PRDM2: variants seen among roughly 807,000 people sequenced by gnomAD.
PRDM2 encodes PR domain zinc finger protein 2.
A neutral mutation model predicts 130.0 loss-of-function variants in PRDM2; 30 were observed. The ratio of observed to expected loss-of-function variants is 0.23; its 90% CI spans 0.17 to 0.31. The LOEUF is 0.31. Among genes scored for constraint, PRDM2 ranks in the 10% least tolerant of loss-of-function variants. The pLI, the probability that PRDM2 is intolerant of heterozygous loss-of-function variation, is 1.00. For missense variants in PRDM2, 2,011 were observed against 2,108.4 expected (o/e 0.95, Z 0.90); for synonymous variants, 871 against 782.4 (o/e 1.11, Z -1.89).
intron 8 of PRDM2, among the ~76,000 whole-genome samples, chr1:13,784,176 A>G (rs999084112): frequency 6.6e-6 from 1 of 152,252 alleles, no homozygotes; most frequent in Non-Finnish European, 1.5e-5. Context: ...GCACATACAT[A>G]GGTAGCATCT....
chr1:13,749,455 G>T lies in PRDM2; in HGVS notation c.479G>T (p.Arg160Leu). 1 of 1,500,950 alleles carries T rather than the reference G, an allele frequency of 6.7e-7. No homozygotes were observed. The highest frequency in any genetic ancestry group is 9.0e-7 in the Non-Finnish European group (1 of 1,112,502). 93.0% of individuals were successfully genotyped at this position (1,500,950 alleles called of 1,614,324 possible). ...ATTGAGGAAGAGCGAGCCAGCGCCC[G>T]GAGCAAGCGGAGCTCCCCCAAGAGC... Reference protein sequence around the residue: ...AAIEEERASARSKRSSPKSRK... With the variant: ...AAIEEERASALSKRSSPKSRK... Residue 160 changes from arginine to leucine, a missense_variant, in exon 6 of 10, where the codon CGG becomes CTG. Arg to Leu is a moderately radical substitution (Grantham distance 102). Transcript: ENST00000311066.
chr1:13,779,460 C>G lies in PRDM2; in HGVS notation c.1665C>G (p.Ile555Met). 2.5e-6 allele frequency: 4 copies of G among 1,614,158 alleles called. No individual in the cohort carries two copies. The highest frequency in any genetic ancestry group is 3.4e-6 in the Non-Finnish European group (4 of 1,180,010). Residue 555 changes from isoleucine to methionine, a missense_variant, in exon 8 of 10, where the codon ATC becomes ATG. Ile to Met is a conservative substitution (Grantham distance 10). Transcript: ENST00000311066. The surrounding 1 kb of genome is among the most constrained non-coding windows in gnomAD (Gnocchi z 4.9). The part of the protein sequence containing the change: ...EEEGEADDVY[I>M]MDISSNISEN... Reference sequence around the variant, plus strand: ...AAGGGGAAGCAGATGATGTGTACATCATGGACATTTCTAGCAATATCTCTG... The same window carrying G: ...AAGGGGAAGCAGATGATGTGTACATGATGGACATTTCTAGCAATATCTCTG...
At chr1:13,715,192 C>T (rs765840238) in intron 1 of PRDM2, among the ~76,000 whole-genome samples, 1 of 152,142 alleles carries the variant, frequency 6.6e-6, no homozygotes, top group Admixed American at 6.5e-5. Flanking sequence ...GAAAAAGACA[C>T]TTATATTGCA....
At chr1:13,820,873 A>G (rs1451151440) in intron 9 of PRDM2, among the ~76,000 whole-genome samples, 1 of 151,762 alleles carries the variant, frequency 6.6e-6, no homozygotes, top group Non-Finnish European at 1.5e-5. Flanking sequence ...CCAAGGGAAT[A>G]CAGCCACTCC....
chr1:13,749,325 T>C, intron 5 of PRDM2, 36 bp from the exon 6 acceptor site: 2 of 1,390,590 alleles, frequency 1.4e-6, no homozygotes, highest in Non-Finnish European at 1.9e-6. Flanking sequence ...ACCGCCGCTC[T>C]GATTGGCCCG....
At chr1:13,765,060 T>A (rs1644191414) in intron 6 of PRDM2, among the ~76,000 whole-genome samples, 1 of 152,256 alleles carries the variant, frequency 6.6e-6, no homozygotes, top group South Asian at 2.1e-4. Flanking sequence ...TCTATGGGGC[T>A]TGCTTTGCCA....
intron 8 of PRDM2, chr1:13,787,185 T>C (rs1644759304): frequency 2.0e-6 from 2 of 983,542 alleles, no homozygotes; most frequent in African/African-American, 1.7e-5. Flanking sequence ...GACGTTATCC[T>C]CTCAGATTCT....
chr1:13,786,333 G>T (rs901274475), intron 8 of PRDM2, among the ~76,000 whole-genome samples: 1 of 152,106 alleles, frequency 6.6e-6, no homozygotes, highest in African/African-American at 2.4e-5. Flanking sequence ...AAATAAATGC[G>T]TGTAGTTCCT....
At chr1:13,758,842 T>C (rs1356938532) in intron 6 of PRDM2, among the ~76,000 whole-genome samples, 2 of 152,170 alleles carry the variant, frequency 1.3e-5, no homozygotes, top group Non-Finnish European at 2.9e-5. Flanking sequence ...CATACCATTT[T>C]TTATTTTTAA....
chr1:13,762,230 C>T (rs751026214), intron 6 of PRDM2, among the ~76,000 whole-genome samples: 1 of 152,236 alleles, frequency 6.6e-6, no homozygotes, highest in African/African-American at 2.4e-5. Context: ...TCCCATCTGC[C>T]TCGAATGGGA....
At chr1:13,822,839 TA>T (rs1645375574) in intron 9 of PRDM2, among the ~76,000 whole-genome samples, 1 of 152,058 alleles carries the variant, frequency 6.6e-6, no homozygotes, top group African/African-American at 2.4e-5. Context: ...TTATTTAACT[TA>T]AAAAATGGGT....
chr1:13,805,289 C>T (rs770773815), intron 8 of PRDM2, among the ~76,000 whole-genome samples: 2 of 152,200 alleles, frequency 1.3e-5, no homozygotes, highest in Non-Finnish European at 2.9e-5. Flanking sequence ...CCAGCGGCTA[C>T]ACAGCAAGTC....
At chr1:13,763,532 C>A (rs899329859) in intron 6 of PRDM2, among the ~76,000 whole-genome samples, 4 of 152,152 alleles carry the variant, frequency 2.6e-5, no homozygotes, top group Admixed American at 2.6e-4. Flanking sequence ...TATGGGTAGG[C>A]AGTAGACAAG....
intron 7 of PRDM2, 44 bp downstream of exon 7, chr1:13,773,232 A>G (rs1472019847): frequency 1.7e-6 from 2 of 1,160,868 alleles, no homozygotes; most frequent in Non-Finnish European, 2.4e-6. Flanking sequence ...GTGTGTATGT[A>G]CCCAGTGAAT....
chr1:13,791,342 A>G (rs985622359), intron 8 of PRDM2, among the ~76,000 whole-genome samples: 4 of 152,068 alleles, frequency 2.6e-5, no homozygotes, highest in East Asian at 3.9e-4. Context: ...TCACAGACCA[A>G]TTAGTTCAGG....
At chr1:13,790,489 T>A (rs1234182221) in intron 8 of PRDM2, among the ~76,000 whole-genome samples, 1 of 152,064 alleles carries the variant, frequency 6.6e-6, no homozygotes, top group African/African-American at 2.4e-5. Flanking sequence ...TCTCTCTGGC[T>A]TATGTTGATT....
intron 2 of PRDM2, among the ~76,000 whole-genome samples, chr1:13,726,988 T>C (rs957767483): frequency 6.6e-6 from 1 of 152,116 alleles, no homozygotes; most frequent in Non-Finnish European, 1.5e-5. Context: ...ATTCTGCTTA[T>C]TCTGGGTAGA....
chr1:13,775,391 T>C (rs1644453382), intron 7 of PRDM2, among the ~76,000 whole-genome samples: 1 of 152,238 alleles, frequency 6.6e-6, no homozygotes, highest in African/African-American at 2.4e-5. Flanking sequence ...TTCAACTCTT[T>C]TGGCAGTATT....
rs202218159 is a variant in PRDM2, at chr1:13,763,254, C to T, written c.512-9824C>T. Among the ~76,000 whole-genome samples the T allele has an allele frequency of 6.6e-5, 10 of 152,132 alleles. 1 individual carries two copies. In the East Asian group the frequency reaches 1.4e-3, roughly 21 times the overall value. The stretch of plus-strand genomic sequence containing the variant: ...TAATGATGGGTATAAGAACCAAGTG[C>T]GGTGAACAGGAAAAAGAATATGGGG... On this transcript the variant is annotated intron_variant, in intron 6 of 9. Coordinates refer to ENST00000311066, the MANE Select transcript of PRDM2 (RefSeq NM_001393986.1).
Sources: allele counts gnomAD v4.1 joint callset (sites outside exome capture counted in the v4.1 genomes callset), GRCh38; gene constraint gnomAD v4.1.1; non-coding constraint Gnocchi (gnomAD v3.1); transcripts MANE v1.5; gene names NCBI Gene and HGNC (gene_info 2026-07-23, HGNC 2026-07-21).